The following AFF2 variants were observed in gnomAD, a reference collection of about 807,000 sequenced individuals.
The protein encoded by AFF2 is ALF transcription elongation factor 2.
Under a neutral mutation model 76.9 loss-of-function variants are expected in AFF2, and 14 were observed. That is an observed-to-expected ratio of 0.18 (90% confidence interval 0.12 to 0.28). The LOEUF (loss-of-function observed/expected upper bound fraction) is 0.28. Ranked by LOEUF, AFF2 falls within the 10% of genes least tolerant of loss-of-function variation. The probability of loss-of-function intolerance (pLI) is 1.00; values close to 1 mark genes in which losing one functional copy is unlikely to be tolerated. For missense variants in AFF2, 868 were observed against 1,001.1 expected, an observed-to-expected ratio of 0.87 and a Z score of 1.79; for synonymous variants, 398 against 366.7, an observed-to-expected ratio of 1.09 and a Z score of -0.98.
chrX:148,933,608 T>C (rs1272832493), intron 9 of AFF2, among the ~76,000 whole-genome samples: 1 of 110,593 alleles, frequency 9.0e-6, no homozygotes, highest in African/African-American at 3.3e-5. Flanking sequence ...GGAGAACAGA[T>C]AAGATTTGCT....
chrX:148,950,676 C>T (rs1452665251), intron 9 of AFF2, among the ~76,000 whole-genome samples: 1 of 112,172 alleles, frequency 8.9e-6, no homozygotes, highest in African/African-American at 3.2e-5. Flanking sequence ...AACACAGAAA[C>T]AGATTTAGCT....
intron 10 of AFF2, among the ~76,000 whole-genome samples, chrX:148,954,584 T>C (rs1557286988): frequency 8.9e-6 from 1 of 112,241 alleles, no homozygotes; most frequent in South Asian, 3.7e-4. Flanking sequence ...AGAGTACTTA[T>C]TATTATTTTT....
At chrX:148,777,749 G>A (rs1313515054) in intron 3 of AFF2, among the ~76,000 whole-genome samples, 2 of 112,052 alleles carry the variant, frequency 1.8e-5, no homozygotes, top group Admixed American at 9.4e-5. Context: ...AGAAGATTTT[G>A]GGCTGAGATG....
At chrX:148,819,758 C>T (rs1410756330) in intron 4 of AFF2, among the ~76,000 whole-genome samples, 1 of 111,605 alleles carries the variant, frequency 9.0e-6, no homozygotes, top group Non-Finnish European at 1.9e-5. Flanking sequence ...CAAAAAAATT[C>T]TCCCATGTTT....
intron 1 of AFF2, among the ~76,000 whole-genome samples, chrX:148,626,125 C>T (rs1011811412): frequency 4.5e-5 from 5 of 112,001 alleles, no homozygotes; most frequent in African/African-American, 1.6e-4. Context: ...TTGGTGGACT[C>T]TCCCCCTATT....
chrX:148,564,489 A>G (rs1038662092), intron 1 of AFF2, among the ~76,000 whole-genome samples: 1 of 108,296 alleles, frequency 9.2e-6, no homozygotes, highest in Admixed American at 9.9e-5. Flanking sequence ...AAAAAAATCA[A>G]CGTTACTCTG....
At chrX:148,860,400 C>T (rs1437326024) in intron 7 of AFF2, among the ~76,000 whole-genome samples, 2 of 112,050 alleles carry the variant, frequency 1.8e-5, no homozygotes, top group Non-Finnish European at 3.8e-5. Flanking sequence ...GTAAAATGGA[C>T]AGATCAGTAA....
chrX:148,544,440 G>T (rs2052897570), intron 1 of AFF2, among the ~76,000 whole-genome samples: 1 of 111,030 alleles, frequency 9.0e-6, no homozygotes, highest in South Asian at 3.9e-4. Flanking sequence ...CTCTGTCTCT[G>T]ATTTCTTCAA....
In AFF2 at chrX:148,981,573, G is replaced by A. The variant is rs560058180; in HGVS notation, c.3623+783G>A. ...TTCGAATCCCAGTTCTGTGTCAGCTGTGAAGTTAGCTAACTTGCCTGAGCA... is the reference window on the plus strand; with the variant it reads ...TTCGAATCCCAGTTCTGTGTCAGCTATGAAGTTAGCTAACTTGCCTGAGCA... On this transcript the variant is annotated intron_variant, in intron 19 of 20. Coordinates refer to ENST00000370460, the MANE Select transcript of AFF2 (RefSeq NM_002025.4). Among the ~76,000 whole-genome samples the A allele has an allele frequency of 9.0e-5, 10 of 111,408 alleles. No homozygotes were observed. In the South Asian group the frequency reaches 3.8e-3, roughly 43 times the overall value.
chrX:148,772,230 G>C (rs991097209), intron 3 of AFF2, among the ~76,000 whole-genome samples: 1 of 112,010 alleles, frequency 8.9e-6, no homozygotes, highest in Non-Finnish European at 1.9e-5. Context: ...CAAATCACTC[G>C]TTTTGTTTCT....
At chrX:148,581,057 G>GTA (rs782202005) in intron 1 of AFF2, among the ~76,000 whole-genome samples, 3,434 of 40,475 alleles carry the variant, frequency 0.085, 493 homozygotes, top group Middle Eastern at 0.23. Context: ...ACACATATGT[G>GTA]TATATGTATA....
At chrX:148,883,428 T>C (rs1458866511) in intron 7 of AFF2, among the ~76,000 whole-genome samples, 1 of 111,558 alleles carries the variant, frequency 9.0e-6, no homozygotes, top group African/African-American at 3.3e-5. Context: ...TCACATGCAT[T>C]AGCTCCTGTT....
chrX:148,581,063 GTATATA>G (rs1222785383), intron 1 of AFF2, among the ~76,000 whole-genome samples: 13 of 81,957 alleles, frequency 1.6e-4, no homozygotes, highest in Non-Finnish European at 9.9e-5. Flanking sequence ...ATGTGTATAT[GTATATA>G]TACACACATA....
intron 4 of AFF2, among the ~76,000 whole-genome samples, chrX:148,836,475 T>G (rs2070527448): frequency 9.0e-6 from 1 of 111,647 alleles, no homozygotes; most frequent in African/African-American, 3.3e-5. Context: ...CTAATTATGT[T>G]ACTTATAAAG....
intron 3 of AFF2, among the ~76,000 whole-genome samples, chrX:148,798,200 A>T (rs2070011560): frequency 9.0e-6 from 1 of 111,215 alleles, no homozygotes; most frequent in African/African-American, 3.3e-5. Flanking sequence ...GAGAAGCAGA[A>T]ACAAAAGAGT....
chrX:148,854,150 CAG>C (rs1557275691), intron 7 of AFF2, among the ~76,000 whole-genome samples: 2 of 111,584 alleles, frequency 1.8e-5, no homozygotes, highest in Admixed American at 9.5e-5. Flanking sequence ...TAGATCCTGA[CAG>C]AGTCACTAAG....
chrX:148,945,772 A>G (rs1341377316), intron 9 of AFF2, among the ~76,000 whole-genome samples: 1 of 112,451 alleles, frequency 8.9e-6, no homozygotes, highest in African/African-American at 3.2e-5. Context: ...TGAGACCCTT[A>G]TGTTAAGTGC....
At chrX:148,853,112 T>C (rs2124010048) in intron 7 of AFF2, among the ~76,000 whole-genome samples, 1 of 111,941 alleles carries the variant, frequency 8.9e-6, no homozygotes, top group East Asian at 2.8e-4. Context: ...CTCACCCACA[T>C]AAAGTTTCAA....
Position 148,956,210 on chromosome X carries a change from C to G in AFF2, c.2165C>G (p.Thr722Arg), listed in dbSNP as rs1557287297. 1 of 1,211,466 alleles carries G rather than the reference C, an allele frequency of 8.3e-7. No homozygotes were observed. The highest frequency in any genetic ancestry group is 1.1e-6 in the Non-Finnish European group (1 of 895,453). The change falls in exon 11 of 21, where the codon ACA (threonine) becomes AGA (arginine). Residue 722 changes from threonine (T) to arginine (R), a missense_variant. Physicochemically the swap from Thr to Arg is moderately conservative, Grantham distance 71. Coordinates refer to ENST00000370460, the MANE Select transcript of AFF2 (RefSeq NM_002025.4). The part of the protein sequence containing the change: ...ETDSSTSDSN[T>R]DQEETLQIKV... ...GATTCATCTACATCTGACTCCAACA[C>G]AGATCAGGAAGAGACCCTGCAAATC...
Sources: gnomAD v4.1 joint callset for allele counts (sites outside exome capture counted in the v4.1 genomes callset) on GRCh38, gnomAD v4.1.1 for gene constraint, MANE v1.5 for transcripts, NCBI Gene and HGNC (gene_info 2026-07-23, HGNC 2026-07-21) for gene names.